Variants in DSC3 observed in about 807,000 individuals in gnomAD.
DSC3 encodes desmocollin-3.
In DSC3, 97 loss-of-function variants were observed where a neutral mutation model predicts 89.5. The observed-to-expected ratio is 1.08, with a 90% CI of 0.92 to 1.28. The LOEUF (loss-of-function observed/expected upper bound fraction) is 1.28. DSC3 is among the 50% of genes most tolerant of loss of function. DSC3 has a pLI of 0.00. For missense variants in DSC3, 1,199 were observed against 1,085.3 expected, an observed-to-expected ratio of 1.10 and a Z score of -1.47; for synonymous variants, 436 against 384.1, an observed-to-expected ratio of 1.14 and a Z score of -1.58.
At chr18:31,039,183 C>T (rs1986060618) in intron 1 of DSC3, among the ~76,000 whole-genome samples, 1 of 151,932 alleles carries the variant, frequency 6.6e-6, no homozygotes, top group Non-Finnish European at 1.5e-5. Flanking sequence ...AGTTTTGTTG[C>T]ATTTTATAGT....
In DSC3 at chr18:31,031,112, C is replaced by T; in HGVS notation, c.215G>A (p.Arg72Lys). ...DLIRSSDPDF[R>K]VLNDGSVYTA... ...GTACACTGACCCATCATTTAGAACT[C>T]TGAAATCAGGATCACTTGACCGGAT... The change falls in exon 3 of 16, where the codon AGA (arginine) becomes AAA (lysine). Residue 72 changes from arginine to lysine, a missense_variant. By Grantham distance (26) the Arg-to-Lys change is conservative. Coordinates refer to ENST00000360428, the MANE Select transcript of DSC3 (RefSeq NM_001941.5). The T allele has an allele frequency of 6.2e-7, 1 of 1,613,612 alleles. No individual in the cohort carries two copies. The highest frequency in any genetic ancestry group is 1.3e-5 in the African/African-American group (1 of 75,016).
At position 31,030,970 on chromosome 18, in the gene DSC3, T is replaced by A; in HGVS notation, c.354+3A>T. ...CTGAAAATATTTAATGTACTTTAAA[T>A]ACCTTCTTCTGATGTTCTAGCAGCA... On this transcript the variant is annotated splice_donor_region_variant and intron_variant, in intron 3 of 15. Coordinates refer to ENST00000360428, the MANE Select transcript of DSC3 (RefSeq NM_001941.5). 1.9e-6 allele frequency: 3 copies of A among 1,612,572 alleles called. No individual in the cohort carries two copies. The highest frequency in any genetic ancestry group is 2.5e-6 in the Non-Finnish European group (3 of 1,178,640).
At chr18:31,000,904 A>G (rs770348511) in intron 14 of DSC3, among the ~76,000 whole-genome samples, 5 of 151,640 alleles carry the variant, frequency 3.3e-5, no homozygotes, top group Non-Finnish European at 7.4e-5. Context: ...CTTTTCCATA[A>G]AGTAGGATCT....
chr18:31,032,546 CTGTGTGTATGTGTGTG>C (rs1197415485), intron 1 of DSC3, among the ~76,000 whole-genome samples: 4 of 133,736 alleles, frequency 3.0e-5, no homozygotes, highest in African/African-American at 1.2e-4. Flanking sequence ...CTAACTGCTT[CTGTGTGTATGTGTGTG>C]TGTGTGTGTG....
In DSC3 at chr18:31,022,470, T is replaced by C; in HGVS notation, c.808A>G (p.Arg270Gly). ...GTATGCATTGTGTCCGGTTCATCTC[T>C]GTCTGTGGCACAAACCACCCCCACT... ...TTVGVVCATD[R>G]DEPDTMHTRL... Residue 270 changes from arginine to glycine, a missense_variant, in exon 7 of 16, where the codon AGA becomes GGA. Transcript: ENST00000360428. 1 of 1,614,106 alleles carries C rather than the reference T, an allele frequency of 6.2e-7. No individual in the cohort carries two copies.
chr18:31,000,627 A>C (rs1017263916), intron 14 of DSC3, among the ~76,000 whole-genome samples: 5 of 152,236 alleles, frequency 3.3e-5, no homozygotes, highest in African/African-American at 1.2e-4. Flanking sequence ...TTCTATTCTA[A>C]ATCAATTTAT....
rs1380153952 is a variant in DSC3, at chr18:30,992,188, G to T, written c.*1987C>A. The T allele has an allele frequency of 1.0e-5, 1 of 98,756 alleles. No individual in the cohort carries two copies. The highest frequency in any genetic ancestry group is 2.0e-5 in the Non-Finnish European group (1 of 49,298). The allele number at this position is 98,756 out of a possible 1,614,324, so 6.1% of individuals were successfully genotyped here. On this transcript the variant is annotated 3_prime_UTR_variant, in exon 16 of 16. Coordinates refer to ENST00000360428, the MANE Select transcript of DSC3 (RefSeq NM_001941.5). ...CTCAAAAAAAAAAGGGGGGGGGGGGGGCAATAAAAAGTCTAAGTCTAAAAC... is the reference window on the plus strand; with the variant it reads ...CTCAAAAAAAAAAGGGGGGGGGGGGTGCAATAAAAAGTCTAAGTCTAAAAC...
intron 14 of DSC3, among the ~76,000 whole-genome samples, chr18:30,997,673 G>A (rs997050087): frequency 6.6e-6 from 1 of 152,140 alleles, no homozygotes; most frequent in African/African-American, 2.4e-5. Context: ...TCTTATTCCA[G>A]GGAGAGAGAA....
chr18:31,032,573 TGTGTGTGTGTGTGTGTGC>T (rs1326080418), intron 1 of DSC3, among the ~76,000 whole-genome samples: 10 of 130,618 alleles, frequency 7.7e-5, no homozygotes, highest in African/African-American at 2.7e-4. Context: ...TGTGTGTGTG[TGTGTGTGTGTGTGTGTGC>T]GTGTGCGTGT....
Position 30,996,936 on chromosome 18 carries a change from T to A in DSC3, c.2348A>T (p.Lys783Ile). 6.2e-7 allele frequency: 1 copy of A among 1,614,126 alleles called. No individual in the cohort carries two copies. The highest frequency in any genetic ancestry group is 8.5e-7 in the Non-Finnish European group (1 of 1,180,016). The change falls in exon 15 of 16, where the codon AAA (lysine) becomes ATA (isoleucine). Residue 783 changes from lysine (K) to isoleucine (I), a missense_variant. By Grantham distance (102) the Lys-to-Ile change is moderately radical (BLOSUM62 -3). Transcript: ENST00000360428. ...GGATTCCAAGGTCTGGTTTCCTCCT[T>A]TCATCATTTCAATGGTTTCCTGCCC... ...NGGQETIEMM[K>I]GGNQTLESCR...
chr18:31,042,655 G>C lies in DSC3; in HGVS notation c.6C>G (p.Ala2=), dbSNP rs940149431. Residue 2 remains alanine, a synonymous_variant, in exon 1 of 16, where the codon GCC becomes GCG. Coordinates refer to ENST00000360428, the MANE Select transcript of DSC3 (RefSeq NM_001941.5). Reference sequence around the variant, plus strand: ...GCACGGAGCGCCGGGGCCCAGCGGCGGCCATCGGGATGCCGGGCAGGGCCA... The same window carrying C: ...GCACGGAGCGCCGGGGCCCAGCGGCCGCCATCGGGATGCCGGGCAGGGCCA... M[A]AAGPRRSVRG... 6.5e-6 allele frequency: 10 copies of C among 1,549,226 alleles called. No individual in the cohort carries two copies. In the African/African-American group the frequency reaches 1.1e-4, roughly 17 times the overall value.
At chr18:31,042,484 A>G (rs1986165752) in intron 1 of DSC3, 108 bp downstream of exon 1, 6 of 1,151,652 alleles carry the variant, frequency 5.2e-6, no homozygotes, top group Non-Finnish European at 7.7e-6. Flanking sequence ...CATTGATCTG[A>G]GCCGCGGTTG....
intron 4 of DSC3, among the ~76,000 whole-genome samples, chr18:31,028,074 A>G (rs944688349): frequency 1.3e-5 from 2 of 152,146 alleles, no homozygotes; most frequent in Non-Finnish European, 1.5e-5. Context: ...CTGGAAATAC[A>G]AAGTTTTAAG....
rs915186074 is a variant in DSC3 at position 31,018,582 on chromosome 18, A to G, written c.1077+84T>C. On this transcript the variant is annotated intron_variant, in intron 8 of 15. Transcript: ENST00000360428. ...CGTATACGTCAAAGTATGATACTTC[A>G]TGAAGTATTAATTTTATTAATTCAG... 2.1e-6 allele frequency: 3 copies of G among 1,418,432 alleles called. No homozygotes were observed. In the African/African-American group the frequency reaches 4.3e-5, roughly 20 times the overall value. The allele number at this position is 1,418,432 out of a possible 1,614,324, so 87.9% of individuals were successfully genotyped here. A position where few individuals can be genotyped will look rare whatever the true frequency, so the allele number is the denominator to read the frequency against.
At chr18:31,030,118 T>G (rs1480371446) in intron 3 of DSC3, among the ~76,000 whole-genome samples, 1 of 152,168 alleles carries the variant, frequency 6.6e-6, no homozygotes, top group Non-Finnish European at 1.5e-5. Context: ...TAAATTTAAA[T>G]TAACTGACAC....
chr18:31,031,771 T>C (rs115300587), intron 2 of DSC3, among the ~76,000 whole-genome samples: 2,058 of 152,302 alleles, frequency 0.014, 57 homozygotes, highest in African/African-American at 0.047. Context: ...TTCCCTGGGA[T>C]TTCTGGCCTC....
At chr18:31,025,729 T>C in intron 5 of DSC3, 31 bp downstream of exon 5, 1 of 1,606,530 alleles carries the variant, frequency 6.2e-7, no homozygotes, top group Non-Finnish European at 8.5e-7. Context: ...GTTTAATAAT[T>C]TAAAGTCAGG....
chr18:31,022,581 T>A (rs1985462471), intron 6 of DSC3, 79 bp from the exon 7 acceptor site: 31 of 1,497,658 alleles, frequency 2.1e-5, no homozygotes, highest in Non-Finnish European at 2.9e-5. Flanking sequence ...AATCTTAAAA[T>A]GTTAACAGTG....
At chr18:31,027,554 G>A (rs1567959626) in intron 4 of DSC3, among the ~76,000 whole-genome samples, 1 of 149,782 alleles carries the variant, frequency 6.7e-6, no homozygotes, top group Non-Finnish European at 1.5e-5. Context: ...CCAACTTTGT[G>A]TTACAAAATA....
Sources: gnomAD v4.1 joint callset for allele counts (sites outside exome capture counted in the v4.1 genomes callset) on GRCh38, gnomAD v4.1.1 for gene constraint, MANE v1.5 for transcripts, NCBI Gene and HGNC (gene_info 2026-07-23, HGNC 2026-07-21) for gene names.